The following TANC2 variants were observed in gnomAD, a reference collection of about 807,000 sequenced individuals.
TANC2 encodes the protein tetratricopeptide repeat, ankyrin repeat and coiled-coil containing 2.
A neutral mutation model predicts 210.5 loss-of-function variants in TANC2; 26 were observed. The ratio of observed to expected loss-of-function variants is 0.12; its 90% CI spans 0.09 to 0.17. The LOEUF is 0.17. TANC2 is among the 10% of genes least tolerant of loss of function. The pLI, the probability that TANC2 is intolerant of heterozygous loss-of-function variation, is 1.00. For synonymous variants in TANC2, 931 were observed against 967.1 expected, an observed-to-expected ratio of 0.96 and a Z score of 0.69; for missense variants, 2,129 against 2,608.9, an observed-to-expected ratio of 0.82 and a Z score of 4.01.
chr17:63,351,393 G>T (rs978474288), exon 13 of TANC2: 3 of 1,608,240 alleles, frequency 1.9e-6, no homozygotes, highest in Non-Finnish European at 2.5e-6. Context: ...CAAACTAATT[G>T]TAACAGTTAG....
At chr17:63,227,008 G>A (rs2042346262) in intron 7 of TANC2, among the ~76,000 whole-genome samples, 1 of 152,062 alleles carries the variant, frequency 6.6e-6, no homozygotes, top group Admixed American at 6.6e-5. Flanking sequence ...ATCATTTATG[G>A]GTGTTTGGGT....
intron 14 of TANC2, among the ~76,000 whole-genome samples, chr17:63,359,397 G>A (rs1008021977): frequency 1.3e-5 from 2 of 150,508 alleles, no homozygotes; most frequent in Non-Finnish European, 2.9e-5. Context: ...AGGCTAGAGT[G>A]CAGTGATGCG....
At chr17:63,343,587 C>A (rs1461667718) in intron 12 of TANC2, among the ~76,000 whole-genome samples, 2 of 152,180 alleles carry the variant, frequency 1.3e-5, no homozygotes, top group East Asian at 1.9e-4. Context: ...GAAGACATAG[C>A]AGCTAGTATG....
intron 12 of TANC2, among the ~76,000 whole-genome samples, chr17:63,345,918 G>A (rs1598905509): frequency 6.6e-6 from 1 of 152,138 alleles, no homozygotes; most frequent in East Asian, 1.9e-4. Context: ...AGACAGGATT[G>A]TATTCATACA....
intron 14 of TANC2, among the ~76,000 whole-genome samples, chr17:63,359,546 C>T (rs972186837): frequency 1.3e-5 from 2 of 152,044 alleles, no homozygotes; most frequent in Admixed American, 6.6e-5. Context: ...CGGAGTTTCA[C>T]CAATTTGGCC....
chr17:63,086,348 C>T (rs928388344), intron 3 of TANC2, among the ~76,000 whole-genome samples: 3 of 152,240 alleles, frequency 2.0e-5, no homozygotes, highest in Middle Eastern at 3.4e-3. Context: ...TGCATATTTA[C>T]ACCTTTTGTA....
Position 63,193,698 on chromosome 17 carries a change from G to A in TANC2, c.434-293G>A, listed in dbSNP as rs2041255279. 2.6e-5 allele frequency among the ~76,000 whole-genome samples: 4 copies of A among 152,056 alleles called. No homozygotes were observed. In the South Asian group the frequency reaches 6.2e-4, roughly 24 times the overall value. On this transcript the variant is annotated intron_variant, in intron 5 of 27. Coordinates refer to ENST00000689528, the Ensembl canonical transcript of TANC2. ...GAACAAAGCCTGAATAAATATGGAC[G>A]GTAAGTCAACCTAACATAAACAGAT...
chr17:63,132,986 T>G (rs2038969169), intron 4 of TANC2, among the ~76,000 whole-genome samples: 1 of 152,170 alleles, frequency 6.6e-6, no homozygotes, highest in Non-Finnish European at 1.5e-5. Context: ...TTGTTTTTTG[T>G]TTTTTGAGAT....
chr17:63,313,959 G>A (rs1567906456), intron 9 of TANC2, among the ~76,000 whole-genome samples: 5 of 152,136 alleles, frequency 3.3e-5, no homozygotes, highest in Admixed American at 2.6e-4. Context: ...GCCACAGCCT[G>A]GCCTTTCCAA....
At chr17:63,349,224 T>C (rs1484481497) in intron 12 of TANC2, among the ~76,000 whole-genome samples, 1 of 152,212 alleles carries the variant, frequency 6.6e-6, no homozygotes, top group African/African-American at 2.4e-5. Flanking sequence ...TCTACTTTAC[T>C]CATGGGCTTA....
chr17:63,085,711 T>A (rs1002663306), intron 3 of TANC2, among the ~76,000 whole-genome samples: 1 of 152,084 alleles, frequency 6.6e-6, no homozygotes, highest in Non-Finnish European at 1.5e-5. Flanking sequence ...ATATGTATAT[T>A]ATACATATAC....
At chr17:63,184,014 C>CAAAAAAAAAAAAAA (rs570141267) in intron 5 of TANC2, among the ~76,000 whole-genome samples, 24 of 117,666 alleles carry the variant, frequency 2.0e-4, no homozygotes, top group African/African-American at 6.9e-4. Context: ...GACTCCGTCT[C>CAAAAAAAAAAAAAA]AAAAAAAAAA....
At chr17:63,341,128 C>T (rs570814103) in intron 12 of TANC2, among the ~76,000 whole-genome samples, 21 of 152,194 alleles carry the variant, frequency 1.4e-4, no homozygotes, top group Non-Finnish European at 2.8e-4. Flanking sequence ...GAGACTTAGA[C>T]ACCTTTCTCA....
chr17:63,340,012 T>A (rs2046173424), intron 11 of TANC2, 89 bp from the exon 12 acceptor site: 4 of 945,310 alleles, frequency 4.2e-6, no homozygotes, highest in Non-Finnish European at 6.6e-6. Flanking sequence ...TACTAAGTGA[T>A]TTCTAGTATA....
intron 2 of TANC2, among the ~76,000 whole-genome samples, chr17:63,016,352 G>T (rs2034108702): frequency 6.6e-6 from 1 of 152,232 alleles, no homozygotes; most frequent in African/African-American, 2.4e-5. Context: ...CAAGGTAGGA[G>T]GATCATGAGA....
chr17:63,361,362 G>A (rs2046953128), intron 14 of TANC2, among the ~76,000 whole-genome samples: 1 of 152,208 alleles, frequency 6.6e-6, no homozygotes, highest in Non-Finnish European at 1.5e-5. Flanking sequence ...GGGTGAGCCA[G>A]GCACAGAACA....
chr17:63,324,481 GCA>G (rs145886317), intron 11 of TANC2, among the ~76,000 whole-genome samples: 21 of 151,464 alleles, frequency 1.4e-4, no homozygotes, highest in South Asian at 1.0e-3. Context: ...CCAGAAACAT[GCA>G]CACACACACA....
chr17:63,335,810 GTTTTGATAA>G (rs1162059682), intron 11 of TANC2, among the ~76,000 whole-genome samples: 1 of 152,064 alleles, frequency 6.6e-6, no homozygotes, highest in Non-Finnish European at 1.5e-5. Context: ...TAATTTCCTG[GTTTTGATAA>G]TTTTGCTATG....
chr17:63,401,935 T>C (rs1345682682), intron 19 of TANC2, among the ~76,000 whole-genome samples: 1 of 152,228 alleles, frequency 6.6e-6, no homozygotes, highest in Non-Finnish European at 1.5e-5. Flanking sequence ...TACCTCCTAA[T>C]TGAGCTTCTG....
Sources: gnomAD v4.1 joint callset for allele counts (sites outside exome capture counted in the v4.1 genomes callset) on GRCh38, gnomAD v4.1.1 for gene constraint, MANE v1.5 for transcripts, NCBI Gene and HGNC (gene_info 2026-07-23, HGNC 2026-07-21) for gene names.